Variants in TUSC3 observed in about 807,000 individuals in gnomAD.
The protein encoded by TUSC3 is dolichyl-diphosphooligosaccharide--protein glycosyltransferase subunit TUSC3.
In TUSC3, 45 loss-of-function variants were observed where a neutral mutation model predicts 44.8. The observed-to-expected ratio is 1.00, with a 90% CI of 0.79 to 1.29. The LOEUF (loss-of-function observed/expected upper bound fraction) is 1.29. Among genes scored for constraint, TUSC3 ranks in the 50% most tolerant of loss-of-function variants. TUSC3 has a pLI of 0.00. For synonymous variants in TUSC3, 212 were observed against 152.9 expected (o/e 1.39, Z -2.85); for missense variants, 519 against 437.9 (o/e 1.19, Z -1.65).
chr8:15,605,920 C>A (rs538833785), intron 1 of TUSC3, among the ~76,000 whole-genome samples: 1 of 152,160 alleles, frequency 6.6e-6, no homozygotes, highest in East Asian at 1.9e-4. Flanking sequence ...GCAGTAGCCA[C>A]TTAAAATGCC....
chr8:15,633,288 C>G (rs768680121), intron 2 of TUSC3, among the ~76,000 whole-genome samples: 1 of 152,262 alleles, frequency 6.6e-6, no homozygotes, highest in Admixed American at 6.5e-5. Context: ...TAGGGTAGTT[C>G]TCTCATCCAT....
At chr8:15,478,861 T>C (rs1800620640) in intron 1 of TUSC3, among the ~76,000 whole-genome samples, 1 of 152,164 alleles carries the variant, frequency 6.6e-6, no homozygotes, top group Non-Finnish European at 1.5e-5. Flanking sequence ...TGCCACACTG[T>C]CTTCCACAGT....
At chr8:15,719,217 AC>A (rs1456424230) in intron 6 of TUSC3, among the ~76,000 whole-genome samples, 1 of 151,842 alleles carries the variant, frequency 6.6e-6, no homozygotes, top group Admixed American at 6.6e-5. Context: ...CAGCACATTG[AC>A]CCTCTTACAT....
chr8:15,672,810 C>T (rs981707039), intron 5 of TUSC3, among the ~76,000 whole-genome samples: 56 of 152,100 alleles, frequency 3.7e-4, no homozygotes, highest in Non-Finnish European at 6.8e-4. Context: ...ATTGTGCAAA[C>T]TAGAATATTT....
At chr8:15,552,156 G>T (rs576388215) in intron 1 of TUSC3, among the ~76,000 whole-genome samples, 1 of 151,648 alleles carries the variant, frequency 6.6e-6, no homozygotes, top group Non-Finnish European at 1.5e-5. Flanking sequence ...ATGATTTTAC[G>T]TAGAAATACT....
At chr8:15,598,094 T>G (rs989668455) in intron 1 of TUSC3, among the ~76,000 whole-genome samples, 2 of 151,974 alleles carry the variant, frequency 1.3e-5, no homozygotes, top group Non-Finnish European at 2.9e-5. Flanking sequence ...GAGTTTCCAG[T>G]TGAGTAAATC....
intron 1 of TUSC3, among the ~76,000 whole-genome samples, chr8:15,433,460 C>G (rs1288924721): frequency 2.6e-5 from 4 of 152,082 alleles, no homozygotes; most frequent in Non-Finnish European, 2.9e-5. Context: ...TGGATAACCA[C>G]TCAACCAAAC....
upstream of TUSC3, among the ~76,000 whole-genome samples, chr8:15,537,013 A>C (rs1157750268): frequency 1.3e-5 from 2 of 152,130 alleles, no homozygotes; most frequent in Non-Finnish European, 2.9e-5. Context: ...TTGTGGGAAA[A>C]ATCCACATTC....
At chr8:15,515,733 T>A (rs1801208003) in intron 2 of TUSC3, among the ~76,000 whole-genome samples, 1 of 152,106 alleles carries the variant, frequency 6.6e-6, no homozygotes, top group Non-Finnish European at 1.5e-5. Flanking sequence ...AGTCATGCAA[T>A]CTCGGCCCAC....
intron 1 of TUSC3, among the ~76,000 whole-genome samples, chr8:15,573,200 CTCTATATATA>C (rs1554516669): frequency 0.013 from 1,310 of 99,480 alleles, 14 homozygotes; most frequent in Non-Finnish European, 0.018. Context: ...CTCTCTCTCT[CTCTATATATA>C]TATATATATA....
chr8:15,430,635 C>G (rs1407293996), intron 1 of TUSC3, among the ~76,000 whole-genome samples: 2 of 151,412 alleles, frequency 1.3e-5, no homozygotes, highest in African/African-American at 2.5e-5. Context: ...CCAGGGCAAT[C>G]AGGCAGGAGA....
At chr8:15,421,568 T>G (rs959976696) in intron 1 of TUSC3, among the ~76,000 whole-genome samples, 1 of 152,178 alleles carries the variant, frequency 6.6e-6, no homozygotes, top group Admixed American at 6.6e-5. Context: ...CTGTAAAATT[T>G]ATTTGTTTTA....
rs971060579 is a variant in TUSC3, at chr8:15,754,452, C to G, written c.1029-3339C>G. Among the ~76,000 whole-genome samples the G allele has an allele frequency of 2.6e-5, 4 of 152,158 alleles. No homozygotes were observed. The East Asian group carries it at 7.7e-4, about 29-fold the overall frequency. Reference sequence around the variant, plus strand: ...TGCAGAGATCAACTGCTAGTACAGACACACATTCTTCTTCACAGTAGCTCT... The same window carrying G: ...TGCAGAGATCAACTGCTAGTACAGAGACACATTCTTCTTCACAGTAGCTCT... On this transcript the variant is annotated intron_variant, in intron 9 of 10. Transcript: ENST00000503731.
intron 1 of TUSC3, among the ~76,000 whole-genome samples, chr8:15,554,138 A>C (rs1802151577): frequency 8.5e-6 from 1 of 117,256 alleles, no homozygotes; most frequent in South Asian, 2.8e-4. Context: ...GGACCTATGG[A>C]TTTTTGATTT....
At chr8:15,483,989 T>C (rs759193643) in intron 2 of TUSC3, among the ~76,000 whole-genome samples, 1 of 152,146 alleles carries the variant, frequency 6.6e-6, no homozygotes, top group Non-Finnish European at 1.5e-5. Flanking sequence ...TGGCCCTCTC[T>C]ATAAATGTTG....
At chr8:15,417,712 A>G (rs1456519214) in intron 1 of TUSC3, among the ~76,000 whole-genome samples, 1 of 152,210 alleles carries the variant, frequency 6.6e-6, no homozygotes, top group African/African-American at 2.4e-5. Context: ...GTGCTTCAGG[A>G]CTTCAAAGAG....
intron 1 of TUSC3, among the ~76,000 whole-genome samples, chr8:15,427,301 G>T (rs1799816241): frequency 6.6e-6 from 1 of 151,082 alleles, no homozygotes; most frequent in African/African-American, 2.4e-5. Flanking sequence ...GAGCAGGGCA[G>T]GAGAGGGCTC....
At chr8:15,762,208 A>G (rs748422023) in intron 10 of TUSC3, among the ~76,000 whole-genome samples, 2 of 152,000 alleles carry the variant, frequency 1.3e-5, no homozygotes, top group Non-Finnish European at 2.9e-5. Context: ...AAATAAAGAA[A>G]TTTTTATAAC....
At chr8:15,497,724 CTT>C (rs952304338) in intron 2 of TUSC3, among the ~76,000 whole-genome samples, 6 of 145,508 alleles carry the variant, frequency 4.1e-5, no homozygotes, top group African/African-American at 1.5e-4. Flanking sequence ...CTTTCTTTTT[CTT>C]TGTTTCTTCT....
Sources: allele counts gnomAD v4.1 joint callset (sites outside exome capture counted in the v4.1 genomes callset), GRCh38; gene constraint gnomAD v4.1.1; transcripts MANE v1.5; gene names NCBI Gene and HGNC (gene_info 2026-07-23, HGNC 2026-07-21).